Variants in TENM4 observed in about 807,000 individuals in gnomAD.
TENM4 encodes teneurin-4.
Under a neutral mutation model 243.3 loss-of-function variants are expected in TENM4, and 82 were observed. The observed-to-expected ratio is 0.34, with a 90% CI of 0.28 to 0.40. TENM4 has a LOEUF of 0.40. TENM4 is among the 10% of genes least tolerant of loss of function. The pLI, the probability that TENM4 is intolerant of heterozygous loss-of-function variation, is 1.00. For synonymous variants in TENM4, 1,412 were observed against 1,456.3 expected (o/e 0.97, Z 0.69); for missense variants, 3,138 against 3,673.3 (o/e 0.85, Z 3.77).
chr11:79,399,192 G>A (rs1238077019), intron 1 of TENM4, among the ~76,000 whole-genome samples: 1 of 152,146 alleles, frequency 6.6e-6, no homozygotes, highest in African/African-American at 2.4e-5. Context: ...TCTGATTAGC[G>A]AGCAATTTCC....
At chr11:78,874,625 T>A (rs1859220020) in intron 9 of TENM4, among the ~76,000 whole-genome samples, 1 of 152,156 alleles carries the variant, frequency 6.6e-6, no homozygotes, top group Admixed American at 6.5e-5. Flanking sequence ...TCCTAAAATT[T>A]TCATTTAAAG....
intron 2 of TENM4, among the ~76,000 whole-genome samples, chr11:79,243,059 A>G (rs1339858782): frequency 6.6e-6 from 1 of 151,990 alleles, no homozygotes; most frequent in Non-Finnish European, 1.5e-5. Context: ...GTGGATTTCC[A>G]TCCCCCTTTC....
At chr11:79,275,352 T>C (rs192862339) in intron 2 of TENM4, among the ~76,000 whole-genome samples, 3 of 152,312 alleles carry the variant, frequency 2.0e-5, no homozygotes, top group Admixed American at 2.0e-4. Context: ...ACATTTCCCC[T>C]GCAAAGTTTG....
intron 2 of TENM4, among the ~76,000 whole-genome samples, chr11:79,275,063 G>C (rs1210996419): frequency 6.6e-6 from 1 of 152,162 alleles, no homozygotes; most frequent in Non-Finnish European, 1.5e-5. Context: ...CTTTGAAGAT[G>C]TCTTTGTGGT....
chr11:79,120,921 A>G (rs1861732061), intron 4 of TENM4, among the ~76,000 whole-genome samples: 1 of 152,216 alleles, frequency 6.6e-6, no homozygotes, highest in African/African-American at 2.4e-5. Flanking sequence ...CTGTTATCCC[A>G]TTTTGCAGAT....
chr11:79,396,292 C>G (rs1250413895), intron 1 of TENM4, among the ~76,000 whole-genome samples: 2 of 152,188 alleles, frequency 1.3e-5, no homozygotes, highest in Non-Finnish European at 2.9e-5. Flanking sequence ...CCCATCCTAG[C>G]TTCTTATCTC....
chr11:78,653,529 T>C lies in TENM4; in HGVS notation c.*4529A>G, dbSNP rs1371249970. The C allele has an allele frequency of 6.6e-6, 1 of 152,200 alleles. No homozygotes were observed. Among genetic ancestry groups the C allele is most frequent in the Non-Finnish European group, 1.5e-5 (1 of 68,032 alleles). 9.4% of individuals were successfully genotyped at this position (152,200 alleles called of 1,614,324 possible). ...AGGCCAGAGTCTCCAGTGTTGGTCA[T>C]CCAGAAGCAGCTTGGTACAGACTCC... is the stretch of plus-strand genomic sequence containing the variant. On this transcript the variant is annotated 3_prime_UTR_variant, in exon 34 of 34. Coordinates refer to ENST00000278550, the MANE Select transcript of TENM4 (RefSeq NM_001098816.3).
In TENM4 at chr11:78,721,367, C is replaced by T. The variant is rs143346982; in HGVS notation, c.3801-977G>A. ...GTGTGGGGCCAATACTAACTCTTCT[C>T]TTTAGGGCTTATGGCTGTTGGCCCT... On this transcript the variant is annotated intron_variant, in intron 24 of 33. Coordinates refer to ENST00000278550, the MANE Select transcript of TENM4 (RefSeq NM_001098816.3). 4.8e-4 allele frequency among the ~76,000 whole-genome samples: 73 copies of T among 152,348 alleles called. 1 individual carries two copies. The East Asian group carries it at 0.013, about 28-fold the overall frequency.
At chr11:78,842,765 A>G (rs1453993098) in intron 12 of TENM4, among the ~76,000 whole-genome samples, 1 of 152,244 alleles carries the variant, frequency 6.6e-6, no homozygotes, top group African/African-American at 2.4e-5. Context: ...TAGCCCCTTC[A>G]CTAACTGGGT....
intron 6 of TENM4, among the ~76,000 whole-genome samples, chr11:79,054,361 C>T (rs920560403): frequency 2.0e-5 from 3 of 152,138 alleles, no homozygotes; most frequent in African/African-American, 7.2e-5. Context: ...TAGTCATTCT[C>T]AGAAAGGGGA....
intron 30 of TENM4, among the ~76,000 whole-genome samples, 169 bp downstream of exon 30, chr11:78,675,983 A>G (rs554185805): frequency 6.6e-6 from 1 of 152,290 alleles, no homozygotes; most frequent in African/African-American, 2.4e-5. Context: ...ACAAGTAAAA[A>G]CTAAAAAGAC....
At chr11:79,432,403 G>A (rs933967438) in intron 1 of TENM4, among the ~76,000 whole-genome samples, 1 of 152,198 alleles carries the variant, frequency 6.6e-6, no homozygotes, top group African/African-American at 2.4e-5. Context: ...ACGTTTAAAT[G>A]ATCAGTTCTC....
At chr11:78,878,797 C>G (rs756722889) in intron 9 of TENM4, among the ~76,000 whole-genome samples, 1 of 152,168 alleles carries the variant, frequency 6.6e-6, no homozygotes, top group Non-Finnish European at 1.5e-5. Flanking sequence ...GGGAATACAC[C>G]CTTTCTAAAA....
Position 79,438,028 on chromosome 11 carries a change from T to C in TENM4, c.-321+2481A>G, listed in dbSNP as rs1390433421. Reference sequence around the variant, plus strand: ...ACAGGTCTGCGGGAGGGAGGATTTATTTTACAGCAAGGAACAGATTCAGAC... The same window carrying C: ...ACAGGTCTGCGGGAGGGAGGATTTACTTTACAGCAAGGAACAGATTCAGAC... On this transcript the variant is annotated intron_variant, in intron 1 of 33. Coordinates refer to ENST00000278550, the MANE Select transcript of TENM4 (RefSeq NM_001098816.3). This position sits in a 1 kb window ranked among gnomAD's most constrained non-coding sequence, Gnocchi z 4.1. 6.6e-6 allele frequency among the ~76,000 whole-genome samples: 1 copy of C among 152,162 alleles called. No individual in the cohort carries two copies. Among genetic ancestry groups the C allele is most frequent in the African/African-American group, 2.4e-5 (1 of 41,450 alleles).
rs558891177 is a variant in TENM4, at chr11:78,785,985, CCAAAAAA to C, written c.2365+906_2365+912del. Among the ~76,000 whole-genome samples the C allele has an allele frequency of 1.8e-4, 27 of 151,336 alleles. No homozygotes were observed. The East Asian group carries it at 4.5e-3, about 25-fold the overall frequency. ...ACAGACCCTTCATTTAAAAAAAAAACCAAAAAACAAAAAACAAAAACGGAAGGGGAAG... is the reference window on the plus strand; with the variant it reads ...ACAGACCCTTCATTTAAAAAAAAAACCAAAAAACAAAAACGGAAGGGGAAG... On this transcript the variant is annotated intron_variant, in intron 16 of 33. Transcript: ENST00000278550.
At chr11:79,138,275 T>C in intron 4 of TENM4, among the ~76,000 whole-genome samples, 1 of 140,328 alleles carries the variant, frequency 7.1e-6, no homozygotes, top group African/African-American at 2.7e-5. Context: ...TGTGGGACCT[T>C]GTGATGGTGT....
rs367780810 is a variant in TENM4, at chr11:78,804,622, T to C, written c.2179+670A>G. ...CAACATAATTATCCTTTGTACCTTA[T>C]ATGTACAAACCCTGTGATGAACCAA... On this transcript the variant is annotated intron_variant, in intron 15 of 33. Coordinates refer to ENST00000278550, the MANE Select transcript of TENM4 (RefSeq NM_001098816.3). Among the ~76,000 whole-genome samples the C allele has an allele frequency of 3.3e-5, 5 of 152,326 alleles. No homozygotes were observed. The East Asian group carries it at 9.7e-4, about 29-fold the overall frequency.
At chr11:79,250,154 T>G (rs567060621) in intron 2 of TENM4, among the ~76,000 whole-genome samples, 2 of 152,186 alleles carry the variant, frequency 1.3e-5, no homozygotes, top group East Asian at 1.9e-4. Flanking sequence ...CCCGGCTGAT[T>G]TTTTGTATTT....
chr11:79,120,410 T>C (rs1319074467), intron 4 of TENM4, among the ~76,000 whole-genome samples: 1 of 152,228 alleles, frequency 6.6e-6, no homozygotes, highest in Non-Finnish European at 1.5e-5. Context: ...TTAATTGTTT[T>C]GTTCAATAAA....
Sources: allele counts gnomAD v4.1 joint callset (sites outside exome capture counted in the v4.1 genomes callset), GRCh38; gene constraint gnomAD v4.1.1; non-coding constraint Gnocchi (gnomAD v3.1); transcripts MANE v1.5; gene names NCBI Gene and HGNC (gene_info 2026-07-23, HGNC 2026-07-21).